Variants in DLG2 observed in about 807,000 individuals in gnomAD.
The protein encoded by DLG2 is discs large MAGUK scaffold protein 2, also known as disks large homolog 2.
DLG2 carries 45 observed loss-of-function variants against 132.5 expected under a neutral mutation model. That is an observed-to-expected ratio of 0.34 (90% CI 0.27 to 0.44). DLG2 has a LOEUF of 0.44. Ranked by LOEUF, DLG2 falls within the 20% of genes least tolerant of loss-of-function variation. DLG2 has a pLI of 1.00. For synonymous variants in DLG2, 424 were observed against 419.6 expected, an observed-to-expected ratio of 1.01 and a Z score of -0.13; for missense variants, 1,045 against 1,196.9, an observed-to-expected ratio of 0.87 and a Z score of 1.87.
intron 6 of DLG2, among the ~76,000 whole-genome samples, chr11:85,107,467 G>A (rs2071956422): frequency 6.6e-6 from 1 of 151,956 alleles, no homozygotes; most frequent in Admixed American, 6.6e-5. Flanking sequence ...TCACAAATAT[G>A]CTCTAAAATG....
chr11:84,222,864 G>A (rs1277305792), intron 8 of DLG2, among the ~76,000 whole-genome samples: 1 of 152,142 alleles, frequency 6.6e-6, no homozygotes, highest in East Asian at 1.9e-4. Flanking sequence ...TGGTAAAACT[G>A]CAAATGAACA....
At chr11:83,659,631 T>C (rs1328446509) in intron 18 of DLG2, among the ~76,000 whole-genome samples, 1 of 152,190 alleles carries the variant, frequency 6.6e-6, no homozygotes, top group East Asian at 1.9e-4. Context: ...CCTGGTGGTG[T>C]AGGGATTACT....
intron 6 of DLG2, among the ~76,000 whole-genome samples, chr11:84,711,446 C>T (rs1235085990): frequency 7.5e-6 from 1 of 134,212 alleles, no homozygotes; most frequent in Non-Finnish European, 1.6e-5. Context: ...GAATTGGTTC[C>T]CATTATCACG....
At position 84,751,923 on chromosome 11, in the gene DLG2, G is replaced by C. The variant is rs560620309; in HGVS notation, c.358-217192C>G. ...GGTTACAAGCATAGAGGATGCAGTA[G>C]CTCTCATTTACTTTGTTCTTAGCAA... On this transcript the variant is annotated intron_variant, in intron 6 of 27. Transcript: ENST00000376104. Among the ~76,000 whole-genome samples the C allele has an allele frequency of 1.1e-4, 17 of 152,248 alleles. No homozygotes were observed. In the East Asian group the frequency reaches 2.9e-3, roughly 26 times the overall value.
intron 6 of DLG2, among the ~76,000 whole-genome samples, chr11:85,030,064 C>T (rs2060880092): frequency 6.6e-6 from 1 of 152,220 alleles, no homozygotes; most frequent in Non-Finnish European, 1.5e-5. Context: ...CACCAATTGA[C>T]TGCACTGGAG....
chr11:84,356,861 A>G (rs761184574), intron 7 of DLG2, among the ~76,000 whole-genome samples: 4 of 152,084 alleles, frequency 2.6e-5, no homozygotes, highest in African/African-American at 4.8e-5. Context: ...CAAGTGACAT[A>G]AATGAAGTGC....
intron 3 of DLG2, among the ~76,000 whole-genome samples, chr11:85,347,305 A>C (rs563108011): frequency 6.6e-5 from 10 of 152,154 alleles, no homozygotes; most frequent in African/African-American, 2.4e-4. Context: ...GGAATTTTCT[A>C]ATCTGGCCAA....
In DLG2 at chr11:83,682,060, T is replaced by C. The variant is rs561707322; in HGVS notation, c.1826-48735A>G. On this transcript the variant is annotated intron_variant, in intron 18 of 27. Coordinates refer to ENST00000376104, the MANE Select transcript of DLG2 (RefSeq NM_001142699.3). ...TGGAATTTGTCAGGAGCCCAAACAC[T>C]GACACACACTTCTGACAGCAAGTGC... is the stretch of plus-strand genomic sequence containing the variant. 1.3e-5 allele frequency: 11 copies of C among 871,728 alleles called. 1 individual carries two copies. In the Admixed American group the frequency reaches 3.7e-4, roughly 29 times the overall value. 54.0% of individuals were successfully genotyped at this position (871,728 alleles called of 1,614,324 possible).
intron 11 of DLG2, among the ~76,000 whole-genome samples, chr11:84,028,665 C>A (rs911525773): frequency 2.6e-5 from 4 of 152,060 alleles, no homozygotes; most frequent in African/African-American, 9.7e-5. Context: ...TGGCCTCCTG[C>A]CTATTAAGGT....
chr11:84,862,153 T>C (rs867623430), intron 6 of DLG2, among the ~76,000 whole-genome samples: 38 of 152,012 alleles, frequency 2.5e-4, no homozygotes, highest in African/African-American at 8.9e-4. Context: ...AACCTGCACA[T>C]TGTGCACATG....
chr11:83,667,886 G>A (rs1183004937), intron 18 of DLG2, among the ~76,000 whole-genome samples: 1 of 141,844 alleles, frequency 7.1e-6, no homozygotes, highest in Non-Finnish European at 1.5e-5. Flanking sequence ...GCTGAGGCAG[G>A]AGAATGGCAT....
chr11:83,818,075 C>T (rs997687886), intron 17 of DLG2, among the ~76,000 whole-genome samples: 4 of 152,156 alleles, frequency 2.6e-5, no homozygotes, highest in African/African-American at 9.7e-5. Context: ...TTTCACTTTA[C>T]AGAGGAGTGA....
chr11:85,272,319 G>C (rs577934000), intron 4 of DLG2, among the ~76,000 whole-genome samples: 1 of 152,254 alleles, frequency 6.6e-6, no homozygotes, highest in East Asian at 1.9e-4. Flanking sequence ...AAGTTGCCCA[G>C]TCTCAGATAT....
intron 6 of DLG2, among the ~76,000 whole-genome samples, chr11:84,650,868 T>TATA (rs1299170930): frequency 8.1e-5 from 7 of 86,398 alleles, no homozygotes; most frequent in Non-Finnish European, 1.2e-4. Context: ...TGTGTGTGTG[T>TATA]GTGTGTATAT....
In DLG2 at chr11:83,913,734, T is replaced by C. The variant is rs568991675; in HGVS notation, c.1496+16594A>G. 4.0e-5 allele frequency among the ~76,000 whole-genome samples: 6 copies of C among 149,966 alleles called. No individual in the cohort carries two copies. In the East Asian group the frequency reaches 1.2e-3, roughly 30 times the overall value. ...TGCCCATTAAGAGAGGGAGGAGGAG[T>C]TTCAAAATGGAAGCATAAGCAAGGA... On this transcript the variant is annotated intron_variant, in intron 15 of 27. Coordinates refer to ENST00000376104, the MANE Select transcript of DLG2 (RefSeq NM_001142699.3).
At chr11:85,309,765 A>G (rs928235245) in intron 3 of DLG2, among the ~76,000 whole-genome samples, 2 of 152,010 alleles carry the variant, frequency 1.3e-5, no homozygotes, top group African/African-American at 4.8e-5. Flanking sequence ...AATTTCTTCT[A>G]CTTTTTATCC....
intron 18 of DLG2, chr11:83,691,879 T>C (rs1240930797): frequency 6.6e-6 from 1 of 152,200 alleles, no homozygotes. Flanking sequence ...GGCTGCCCAA[T>C]TATAGTTAGA....
intron 11 of DLG2, among the ~76,000 whole-genome samples, chr11:84,040,346 G>A (rs2096030348): frequency 6.6e-6 from 1 of 151,986 alleles, no homozygotes; most frequent in South Asian, 2.1e-4. Flanking sequence ...GGATTTTTAT[G>A]GTTTTAGGTC....
In DLG2 at chr11:83,682,970, G is replaced by T. The variant is rs115524224; in HGVS notation, c.1826-49645C>A. On this transcript the variant is annotated intron_variant, in intron 18 of 27. Coordinates refer to ENST00000376104, the MANE Select transcript of DLG2 (RefSeq NM_001142699.3). ...TGAACCCAAACCCAGGTCTTCTGAT[G>T]GCAAAGTACAGTGCCTTTCTATTCT... 9.3e-3 allele frequency among the ~76,000 whole-genome samples: 1,410 copies of T among 152,192 alleles called. 30 individuals are homozygous for T. The highest frequency in any genetic ancestry group is 0.032 in the African/African-American group (1,344 of 41,534).
Sources: allele counts gnomAD v4.1 joint callset (sites outside exome capture counted in the v4.1 genomes callset), GRCh38; gene constraint gnomAD v4.1.1; transcripts MANE v1.5; gene names NCBI Gene and HGNC (gene_info 2026-07-23, HGNC 2026-07-21).